The following RBM44 variants were observed in gnomAD, a reference collection of about 807,000 sequenced individuals.
The protein encoded by RBM44 is RNA binding motif protein 44.
In RBM44, 66 loss-of-function variants were observed where a neutral mutation model predicts 105.1. The observed-to-expected ratio is 0.63, with a 90% confidence interval of 0.52 to 0.77. RBM44 has a LOEUF of 0.77. RBM44 is among the 30% of genes least tolerant of loss of function. RBM44 has a pLI of 0.00. For synonymous variants in RBM44, 365 were observed against 417.6 expected (o/e 0.87, Z 1.54); for missense variants, 1,122 against 1,207.8 (o/e 0.93, Z 1.05).
intron 13 of RBM44, among the ~76,000 whole-genome samples, chr2:237,830,584 G>A (rs1295965838): frequency 6.6e-6 from 1 of 152,092 alleles, no homozygotes; most frequent in Non-Finnish European, 1.5e-5. Context: ...TCAGGTATTT[G>A]TTGAGGTAAT....
rs573909642 is a variant in RBM44, at chr2:237,834,302, G to C, written c.3057G>C (p.Gln1019His). Reference sequence around the variant, plus strand: ...GAGACCATATTATAAATGCACTTCAGGAAGTGAGAATAAGACATAAAGGTT... The same window carrying C: ...GAGACCATATTATAAATGCACTTCACGAAGTGAGAATAAGACATAAAGGTT... Reference protein sequence around the residue: ...VSRDHIINALQEVRIRHKGFL... With the variant: ...VSRDHIINALHEVRIRHKGFL... Residue 1019 changes from glutamine to histidine, a missense_variant, in exon 15 of 16, where the codon CAG becomes CAC. Gln to His is a conservative substitution (Grantham distance 24, BLOSUM62 0). Coordinates refer to ENST00000316997, the MANE Select transcript of RBM44 (RefSeq NM_001080504.3). 1 of 1,581,122 alleles carries C rather than the reference G, an allele frequency of 6.3e-7. No homozygotes were observed. The highest frequency in any genetic ancestry group is 1.2e-5 in the South Asian group (1 of 84,660).
rs2061748832 is a variant in RBM44 at position 237,818,594 on chromosome 2, A to T, written c.1675A>T (p.Lys559Ter). The T allele has an allele frequency of 6.6e-7, 1 of 1,509,908 alleles. No individual in the cohort carries two copies. The highest frequency in any genetic ancestry group is 8.9e-7 in the Non-Finnish European group (1 of 1,129,308). 93.5% of individuals were successfully genotyped at this position (1,509,908 alleles called of 1,614,324 possible). ...SLKPNGNFLN[K>*]DFLELRKACG... The stretch of plus-strand genomic sequence containing the variant: ...AAAACCTAATGGAAATTTTCTAAAT[A>T]AGGTAAAATCAATATGAGTAATAAT... The change falls in exon 3 of 16, where the codon AAG becomes TAG. Residue 559 changes from lysine (K) to a stop codon, truncating the protein, a stop_gained and splice_region_variant. Transcript: ENST00000316997. LOFTEE classifies it high-confidence loss of function. The surrounding 1 kb of genome is among the most constrained non-coding windows in gnomAD (Gnocchi z 4.6).
At chr2:237,834,583 A>T in intron 15 of RBM44, 160 bp downstream of exon 15, 1 of 338,416 alleles carries the variant, frequency 3.0e-6, no homozygotes, top group Non-Finnish European at 5.2e-6. Context: ...TTAGTTAACT[A>T]CTAAGGCAAA....
At position 237,833,979 on chromosome 2, in the gene RBM44, T is replaced by A; in HGVS notation, c.2887-18T>A. ...GGTCCTTACTGATTTTAAGAAAACT[T>A]TTTAAATGCTTATTTAGGGTGTCAA... On this transcript the variant is annotated intron_variant, in intron 13 of 15. Coordinates refer to ENST00000316997, the MANE Select transcript of RBM44 (RefSeq NM_001080504.3). 6.8e-7 allele frequency: 1 copy of A among 1,466,306 alleles called. No individual in the cohort carries two copies. Among genetic ancestry groups the A allele is most frequent in the Non-Finnish European group, 9.1e-7 (1 of 1,097,820 alleles). 90.8% of individuals were successfully genotyped at this position (1,466,306 alleles called of 1,614,324 possible).
At chr2:237,828,392 A>C (rs1011647415) in intron 12 of RBM44, among the ~76,000 whole-genome samples, 1 of 152,158 alleles carries the variant, frequency 6.6e-6, no homozygotes, top group Non-Finnish European at 1.5e-5. Context: ...TGTTGATATG[A>C]TGTTAATACA....
In RBM44 at chr2:237,821,199, C is replaced by A; in HGVS notation, c.2042C>A (p.Pro681His). The A allele has an allele frequency of 6.2e-7, 1 of 1,610,328 alleles. No individual in the cohort carries two copies. Among genetic ancestry groups the A allele is most frequent in the East Asian group, 2.2e-5 (1 of 44,762 alleles). Residue 681 changes from proline (P) to histidine (H), a missense_variant, in exon 6 of 16, where the codon CCC becomes CAC. Pro to His is a moderately conservative substitution (Grantham distance 77). Coordinates refer to ENST00000316997, the MANE Select transcript of RBM44 (RefSeq NM_001080504.3). The stretch of plus-strand genomic sequence containing the variant: ...AAAGGCATACCACTGGAAGAGCTGC[C>A]CCCACTGTCACTAGAATCAAAATTA... ...IHKGIPLEEL[P>H]PLSLESKLLS...
chr2:237,802,690 G>T (rs1353525520), intron 1 of RBM44, among the ~76,000 whole-genome samples: 1 of 152,132 alleles, frequency 6.6e-6, no homozygotes, highest in African/African-American at 2.4e-5. Context: ...GTGCTTCATA[G>T]AGCCAGTGAC....
chr2:237,822,399 G>A (rs972193256), intron 8 of RBM44, among the ~76,000 whole-genome samples: 3 of 152,026 alleles, frequency 2.0e-5, no homozygotes, highest in African/African-American at 4.8e-5. Context: ...AAATTACAAA[G>A]TGTTATGGAA....
intron 8 of RBM44, among the ~76,000 whole-genome samples, chr2:237,822,756 A>C (rs1389164456): frequency 1.4e-5 from 2 of 139,666 alleles, no homozygotes; most frequent in Non-Finnish European, 3.1e-5. Context: ...GATATAACGT[A>C]GTTTTATAAT....
chr2:237,835,652 A>G (rs181004772), intron 15 of RBM44, among the ~76,000 whole-genome samples: 1 of 152,334 alleles, frequency 6.6e-6, no homozygotes, highest in East Asian at 1.9e-4. Context: ...AATTCAGAGC[A>G]AGGACCTCTT....
At chr2:237,809,917 GC>G (rs1164224495) in intron 1 of RBM44, among the ~76,000 whole-genome samples, 1 of 152,146 alleles carries the variant, frequency 6.6e-6, no homozygotes, top group Non-Finnish European at 1.5e-5. Flanking sequence ...GGGTAGAAGA[GC>G]AAACCCCTTC....
In RBM44 at chr2:237,818,224, C is replaced by A; in HGVS notation, c.1305C>A (p.Ser435Arg). ...EDNTSLKVAH[S>R]STTKKTCFHN... is the part of the protein sequence containing the mutation. Reference sequence around the variant, plus strand: ...ATACGTCCCTAAAAGTTGCTCATAGCAGTACCACAAAGAAAACATGCTTTC... The same window carrying A: ...ATACGTCCCTAAAAGTTGCTCATAGAAGTACCACAAAGAAAACATGCTTTC... The change falls in exon 3 of 16, where the codon AGC becomes AGA. Residue 435 changes from serine (S) to arginine (R), a missense_variant. Physicochemically the swap from Ser to Arg is moderately radical, Grantham distance 110. This residue lies in a region of RBM44 where 918 missense variants were observed against 955.3 expected (regional missense o/e 0.96). Transcript: ENST00000316997. The surrounding 1 kb of genome is among the most constrained non-coding windows in gnomAD (Gnocchi z 4.6). 1 of 1,613,144 alleles carries A rather than the reference C, an allele frequency of 6.2e-7. No homozygotes were observed. Among genetic ancestry groups the A allele is most frequent in the Non-Finnish European group, 8.5e-7 (1 of 1,179,468 alleles).
rs143736710 is a variant in RBM44, at chr2:237,805,905, G to C, written c.-19+7044G>C. 4.0e-3 allele frequency among the ~76,000 whole-genome samples: 602 copies of C among 152,228 alleles called. 18 individuals carry two copies. The highest frequency in any genetic ancestry group is 0.028 in the Admixed American group (430 of 15,286). ...TAAGGTGGGAGGATCACTTGAGCCTGGGAGGTCAAGGCTGCAGTGAGCTCT... is the reference window on the plus strand; with the variant it reads ...TAAGGTGGGAGGATCACTTGAGCCTCGGAGGTCAAGGCTGCAGTGAGCTCT... On this transcript the variant is annotated intron_variant, in intron 1 of 15. Transcript: ENST00000316997.
intron 13 of RBM44, among the ~76,000 whole-genome samples, chr2:237,833,302 G>A (rs1384323832): frequency 1.3e-5 from 2 of 152,114 alleles, no homozygotes; most frequent in East Asian, 1.9e-4. Flanking sequence ...ACTTTTCATC[G>A]AGGCTTTAAA....
intron 15 of RBM44, among the ~76,000 whole-genome samples, chr2:237,840,515 T>A (rs1328657928): frequency 2.6e-5 from 4 of 151,980 alleles, no homozygotes; most frequent in African/African-American, 9.7e-5. Context: ...ACAATTACAT[T>A]CTGGCCAAGA....
At chr2:237,805,312 G>A (rs1465122397) in intron 1 of RBM44, among the ~76,000 whole-genome samples, 2 of 152,148 alleles carry the variant, frequency 1.3e-5, no homozygotes, top group Non-Finnish European at 2.9e-5. Flanking sequence ...AAGGCGTACT[G>A]TAAAGCACTG....
rs745899323 is a variant in RBM44, at chr2:237,817,724, A to G, written c.805A>G (p.Met269Val). The change falls in exon 3 of 16, where the codon ATG (methionine) becomes GTG (valine). Residue 269 changes from methionine (M) to valine (V), a missense_variant. Physicochemically the swap from Met to Val is conservative, Grantham distance 21. Transcript: ENST00000316997. ...LHVSKFQNSVMLREYHDLKHE... is the reference protein window; with the variant it reads ...LHVSKFQNSVVLREYHDLKHE... ...TGTCTCCAAATTTCAGAATTCTGTT[A>G]TGTTAAGAGAATATCATGACCTAAA... 1 of 1,612,532 alleles carries G rather than the reference A, an allele frequency of 6.2e-7. No individual in the cohort carries two copies. The highest frequency in any genetic ancestry group is 2.2e-5 in the East Asian group (1 of 44,810).
intron 1 of RBM44, among the ~76,000 whole-genome samples, chr2:237,804,005 G>A (rs897560307): frequency 6.6e-6 from 1 of 152,004 alleles, no homozygotes; most frequent in African/African-American, 2.4e-5. Context: ...AAGTAGGTGG[G>A]ACTACAAGCG....
intron 1 of RBM44, chr2:237,799,502 G>A: frequency 6.6e-6 from 1 of 152,244 alleles, no homozygotes; most frequent in African/African-American, 2.4e-5. Flanking sequence ...CAACGTGTTA[G>A]CCGGGATGGT....
Sources: allele counts gnomAD v4.1 joint callset (sites outside exome capture counted in the v4.1 genomes callset), GRCh38; gene constraint gnomAD v4.1.1; regional missense constraint gnomAD v4.1.1; non-coding constraint Gnocchi (gnomAD v3.1); transcripts MANE v1.5; gene names NCBI Gene and HGNC (gene_info 2026-07-23, HGNC 2026-07-21).